SMYD3: variants seen among roughly 807,000 people sequenced by gnomAD.
The protein encoded by SMYD3 is histone-lysine N-methyltransferase SMYD3.
A neutral mutation model predicts 57.7 loss-of-function variants in SMYD3; 36 were observed. The ratio of observed to expected loss-of-function variants is 0.62; its 90% confidence interval spans 0.48 to 0.82. The LOEUF (loss-of-function observed/expected upper bound fraction) is 0.82. SMYD3 is among the 40% of genes least tolerant of loss of function. The pLI, the probability that SMYD3 is intolerant of heterozygous loss-of-function variation, is 0.00. For synonymous variants in SMYD3, 211 were observed against 195.0 expected (o/e 1.08, Z -0.68); for missense variants, 515 against 538.8 (o/e 0.96, Z 0.44).
chr1:246,322,421 A>AT (rs2065265522), intron 5 of SMYD3: 1 of 151,648 alleles, frequency 6.6e-6, no homozygotes, highest in African/African-American at 2.4e-5. Flanking sequence ...GGAAGTGGAG[A>AT]TTTAAAAAAA....
intron 5 of SMYD3, among the ~76,000 whole-genome samples, chr1:246,050,152 C>A (rs10802325): frequency 0.38 from 57,773 of 151,724 alleles, 13,839 homozygotes; most frequent in African/African-American, 0.66. Flanking sequence ...TCCATATAGG[C>A]CTTAATTAGA....
intron 5 of SMYD3, among the ~76,000 whole-genome samples, chr1:245,937,946 C>T (rs1039769647): frequency 7.9e-5 from 12 of 152,164 alleles, no homozygotes; most frequent in Admixed American, 5.9e-4. Context: ...GATATGGCAG[C>T]GTGTGGCTCA....
intron 5 of SMYD3, among the ~76,000 whole-genome samples, chr1:246,165,309 A>G (rs1479487851): frequency 6.6e-6 from 1 of 152,224 alleles, no homozygotes; most frequent in Non-Finnish European, 1.5e-5. Flanking sequence ...TTCAAAGATA[A>G]GTAGAGGAAG....
At chr1:246,142,280 T>C (rs527840130) in intron 5 of SMYD3, among the ~76,000 whole-genome samples, 1 of 152,278 alleles carries the variant, frequency 6.6e-6, no homozygotes, top group South Asian at 2.1e-4. Flanking sequence ...ATAAAACAAT[T>C]ATAATAATAT....
intron 5 of SMYD3, among the ~76,000 whole-genome samples, chr1:246,317,113 CT>C (rs2065174119): frequency 6.6e-6 from 1 of 152,034 alleles, no homozygotes; most frequent in Admixed American, 6.5e-5. Flanking sequence ...TTCTTTCTCT[CT>C]TTAGTAAAAT....
intron 5 of SMYD3, among the ~76,000 whole-genome samples, chr1:246,218,434 T>G (rs953176990): frequency 2.0e-5 from 3 of 151,986 alleles, no homozygotes; most frequent in Non-Finnish European, 2.9e-5. Context: ...CCATCCTGGC[T>G]AACACGGTGA....
intron 2 of SMYD3, among the ~76,000 whole-genome samples, chr1:246,346,001 C>T (rs139020279): frequency 2.0e-5 from 3 of 152,116 alleles, no homozygotes; most frequent in Non-Finnish European, 2.9e-5. Flanking sequence ...AACTATAGAA[C>T]TGGCCGGGCA....
chr1:245,862,805 T>C (rs2051626044), intron 9 of SMYD3, among the ~76,000 whole-genome samples: 1 of 152,238 alleles, frequency 6.6e-6, no homozygotes, highest in African/African-American at 2.4e-5. Context: ...TGTGACTCTG[T>C]GGATTCATTC....
intron 10 of SMYD3, among the ~76,000 whole-genome samples, chr1:245,820,352 A>G (rs1369238299): frequency 1.3e-5 from 2 of 149,830 alleles, no homozygotes; most frequent in African/African-American, 4.9e-5. Context: ...ACAACCCTTC[A>G]TGCTAAAAAC....
At chr1:246,395,836 A>AC (rs1357130273) in intron 1 of SMYD3, among the ~76,000 whole-genome samples, 1 of 152,138 alleles carries the variant, frequency 6.6e-6, no homozygotes, top group Non-Finnish European at 1.5e-5. Context: ...CGAACCCACC[A>AC]CTGTCAGGGG....
chr1:246,139,131 C>T (rs369925091), intron 5 of SMYD3, among the ~76,000 whole-genome samples: 4 of 152,260 alleles, frequency 2.6e-5, no homozygotes, highest in East Asian at 3.9e-4. Flanking sequence ...GTTCAGGGGA[C>T]TGATTGAGTG....
intron 4 of SMYD3, among the ~76,000 whole-genome samples, chr1:246,328,639 TGTTA>T (rs915445094): frequency 2.0e-5 from 3 of 151,912 alleles, no homozygotes; most frequent in Non-Finnish European, 2.9e-5. Context: ...TTTATATGCT[TGTTA>T]ATTTTTTTTT....
chr1:246,506,442 C>T (rs1352692437), intron 1 of SMYD3, among the ~76,000 whole-genome samples: 2 of 152,220 alleles, frequency 1.3e-5, no homozygotes, highest in African/African-American at 4.8e-5. Flanking sequence ...AATTGCCCCT[C>T]TATTTCAGCC....
At chr1:245,856,596 TAG>T (rs942110258) in intron 10 of SMYD3, among the ~76,000 whole-genome samples, 6 of 152,222 alleles carry the variant, frequency 3.9e-5, no homozygotes, top group African/African-American at 1.4e-4. Context: ...AGGTGTAAGT[TAG>T]TGCCTCAAAG....
intron 1 of SMYD3, among the ~76,000 whole-genome samples, chr1:246,452,201 A>T (rs1002741861): frequency 6.6e-6 from 1 of 152,226 alleles, no homozygotes; most frequent in African/African-American, 2.4e-5. Context: ...CACATTAAAA[A>T]TTACTGTCAA....
intron 5 of SMYD3, among the ~76,000 whole-genome samples, chr1:246,134,627 A>G (rs188072752): frequency 2.2e-4 from 33 of 152,162 alleles, no homozygotes; most frequent in Non-Finnish European, 3.5e-4. Flanking sequence ...AATCAAAAGA[A>G]GTTAAGAACC....
At chr1:246,164,580 C>CCAA (rs2062174376) in intron 5 of SMYD3, among the ~76,000 whole-genome samples, 2 of 152,126 alleles carry the variant, frequency 1.3e-5, no homozygotes, top group African/African-American at 2.4e-5. Flanking sequence ...AACACATGGA[C>CCAA]GGGGGCATGT....
intron 5 of SMYD3, among the ~76,000 whole-genome samples, chr1:246,050,567 G>A (rs1025492565): frequency 2.6e-5 from 4 of 152,298 alleles, no homozygotes; most frequent in Middle Eastern, 6.8e-3. Context: ...GTCATAAAAA[G>A]CAAAAGGAAT....
intron 1 of SMYD3, among the ~76,000 whole-genome samples, chr1:246,404,285 T>G (rs2066823191): frequency 6.6e-6 from 1 of 152,226 alleles, no homozygotes; most frequent in African/African-American, 2.4e-5. Context: ...TGTGCTGACT[T>G]CAGACTGAAG....
Sources: gnomAD v4.1 joint callset for allele counts (sites outside exome capture counted in the v4.1 genomes callset) on GRCh38, gnomAD v4.1.1 for gene constraint, MANE v1.5 for transcripts, NCBI Gene and HGNC (gene_info 2026-07-23, HGNC 2026-07-21) for gene names.